NBAS: variants seen among roughly 807,000 people sequenced by gnomAD.
The protein encoded by NBAS is NBAS subunit of NRZ tethering complex, also known as NAG/BC035112 fusion.
In NBAS, 219 loss-of-function variants were observed where a neutral mutation model predicts 302.5. The ratio of observed to expected loss-of-function variants is 0.72; its 90% confidence interval spans 0.65 to 0.81. NBAS has a LOEUF of 0.81. NBAS is among the 30% of genes least tolerant of loss of function. NBAS has a pLI of 0.00. For synonymous variants in NBAS, 1,118 were observed against 1,021.6 expected (o/e 1.09, Z -1.80); for missense variants, 2,932 against 2,841.6 (o/e 1.03, Z -0.72).
At chr2:15,499,023 G>C (rs1170802100) in intron 11 of NBAS, among the ~76,000 whole-genome samples, 2 of 151,352 alleles carry the variant, frequency 1.3e-5, no homozygotes, top group East Asian at 3.9e-4. Flanking sequence ...CTACCTCCTG[G>C]GTTCAAACAA....
intron 47 of NBAS, among the ~76,000 whole-genome samples, chr2:15,228,907 T>C (rs144816972): frequency 6.6e-6 from 1 of 152,312 alleles, no homozygotes; most frequent in East Asian, 1.9e-4. Flanking sequence ...CTTATTTATA[T>C]AGTAGGATGA....
intron 42 of NBAS, among the ~76,000 whole-genome samples, chr2:15,281,407 G>A (rs780901775): frequency 5.9e-5 from 9 of 152,136 alleles, no homozygotes; most frequent in South Asian, 4.1e-4. Context: ...CTCACAAAGC[G>A]TATATCTTAT....
chr2:15,147,465 T>C, the NBAS span, among the ~76,000 whole-genome samples: 1 of 152,016 alleles, frequency 6.6e-6, no homozygotes, highest in African/African-American at 2.4e-5. Context: ...TGCTGGCGCA[T>C]GCCTGTAATC....
chr2:14,957,278 CGT>C, the NBAS span, among the ~76,000 whole-genome samples: 94,045 of 147,356 alleles, frequency 0.64, 30,633 homozygotes, highest in East Asian at 0.84. Flanking sequence ...TATACATATA[CGT>C]GTGTGTGTGT....
intron 47 of NBAS, among the ~76,000 whole-genome samples, chr2:15,223,403 T>G (rs2147900111): frequency 6.6e-6 from 1 of 152,180 alleles, no homozygotes; most frequent in East Asian, 1.9e-4. Context: ...AAACCGCAAT[T>G]ATAACTTTTA....
the NBAS span, among the ~76,000 whole-genome samples, chr2:14,846,837 G>A: frequency 1.3e-5 from 2 of 151,578 alleles, no homozygotes; most frequent in African/African-American, 2.4e-5. Context: ...AAAATTAAAA[G>A]TTAAAAGTTA....
chr2:15,373,433 C>T (rs987055023), intron 31 of NBAS, among the ~76,000 whole-genome samples: 1 of 152,142 alleles, frequency 6.6e-6, no homozygotes, highest in Non-Finnish European at 1.5e-5. Context: ...TGGGCTCAAG[C>T]GGTCCTCCCA....
intron 11 of NBAS, among the ~76,000 whole-genome samples, chr2:15,503,323 C>T (rs1661672663): frequency 1.3e-5 from 2 of 152,128 alleles, no homozygotes; most frequent in African/African-American, 4.8e-5. Context: ...GGTTCCACAT[C>T]CTCTGATTCA....
At chr2:15,204,724 C>G (rs972035284) in intron 48 of NBAS, among the ~76,000 whole-genome samples, 3 of 152,136 alleles carry the variant, frequency 2.0e-5, no homozygotes, top group Admixed American at 2.0e-4. Flanking sequence ...ATGGATGAAG[C>G]TAGAAACTAT....
chr2:15,384,040 A>G (rs1675171022), intron 28 of NBAS, among the ~76,000 whole-genome samples: 1 of 152,196 alleles, frequency 6.6e-6, no homozygotes, highest in Admixed American at 6.5e-5. Flanking sequence ...CACTCAGGAA[A>G]GCCCAAAGCA....
chr2:15,217,135 T>C (rs555976590), intron 48 of NBAS, among the ~76,000 whole-genome samples: 1 of 152,336 alleles, frequency 6.6e-6, no homozygotes, highest in South Asian at 2.1e-4. Flanking sequence ...GTCCCTAGCC[T>C]GCTCTTTAAA....
chr2:15,254,951 T>C (rs1668524870), intron 44 of NBAS, among the ~76,000 whole-genome samples: 1 of 152,214 alleles, frequency 6.6e-6, no homozygotes, highest in South Asian at 2.1e-4. Context: ...ACATGTTCTT[T>C]ATCCACTTGT....
At chr2:15,339,248 T>A (rs2042146) in intron 35 of NBAS, among the ~76,000 whole-genome samples, 84,637 of 151,932 alleles carry the variant, frequency 0.56, 25,614 homozygotes, top group Middle Eastern at 0.69. Context: ...ACACATAATT[T>A]GGCATGCCTA....
At chr2:15,046,855 G>T in the NBAS span, among the ~76,000 whole-genome samples, 1 of 152,098 alleles carries the variant, frequency 6.6e-6, no homozygotes, top group Non-Finnish European at 1.5e-5. Context: ...TTCAAGGGTC[G>T]GTTTCAGAGA....
At chr2:15,097,982 T>TA in the NBAS span, among the ~76,000 whole-genome samples, 1 of 105,470 alleles carries the variant, frequency 9.5e-6, no homozygotes, top group African/African-American at 3.8e-5. Context: ...GTATATAATA[T>TA]ATATATTATA....
At chr2:15,368,672 T>C (rs758471134) in intron 31 of NBAS, among the ~76,000 whole-genome samples, 4 of 152,226 alleles carry the variant, frequency 2.6e-5, no homozygotes. Flanking sequence ...TCTTCCCAAT[T>C]ATCCACTGCA....
chr2:15,318,390 A>C (rs774488067), intron 38 of NBAS, among the ~76,000 whole-genome samples: 1 of 152,190 alleles, frequency 6.6e-6, no homozygotes, highest in African/African-American at 2.4e-5. Context: ...AAATTCACAC[A>C]TTAACAATAT....
chr2:15,501,584 A>ATTTTTTTTTT (rs70961416), intron 11 of NBAS, among the ~76,000 whole-genome samples: 1 of 107,228 alleles, frequency 9.3e-6, no homozygotes, highest in South Asian at 3.2e-4. Context: ...TGAACTAAAT[A>ATTTTTTTTTT]TTTTTTTTTT....
At chr2:14,929,471 G>C in the NBAS span, among the ~76,000 whole-genome samples, 1 of 152,310 alleles carries the variant, frequency 6.6e-6, no homozygotes, top group Non-Finnish European at 1.5e-5. Context: ...TCCACCTCCT[G>C]GGTTCAAGCG....
Sources: gnomAD v4.1 joint callset for allele counts (sites outside exome capture counted in the v4.1 genomes callset) on GRCh38, gnomAD v4.1.1 for gene constraint, MANE v1.5 for transcripts, NCBI Gene and HGNC (gene_info 2026-07-23, HGNC 2026-07-21) for gene names.